Variants in MGST1 observed in about 807,000 individuals in gnomAD.
MGST1 encodes microsomal glutathione S-transferase 1, also known as glutathione S-transferase 12.
MGST1 carries 5 observed loss-of-function variants against 8.9 expected under a neutral mutation model. That is an observed-to-expected ratio of 0.56 (90% CI 0.29 to 1.19). MGST1 has a LOEUF of 1.19. Ranked by LOEUF, MGST1 falls within the 50% of genes most tolerant of loss-of-function variation. The probability of loss-of-function intolerance (pLI) is 0.08; values close to 1 mark genes in which losing one functional copy is unlikely to be tolerated. For missense variants in MGST1, 182 were observed against 187.4 expected (o/e 0.97, Z 0.17); for synonymous variants, 54 against 67.8 (o/e 0.80, Z 1.00).
chr12:16,472,900 A>G (rs971061438), intron 4 of MGST1, among the ~76,000 whole-genome samples: 1 of 152,178 alleles, frequency 6.6e-6, no homozygotes, highest in Non-Finnish European at 1.5e-5. Flanking sequence ...CCAAGCTCTA[A>G]AGGCATCTGG....
chr12:16,380,548 G>A (rs1309953099), downstream of MGST1, among the ~76,000 whole-genome samples: 2 of 152,090 alleles, frequency 1.3e-5, no homozygotes, highest in Non-Finnish European at 2.9e-5. Flanking sequence ...TTGCTGAGGG[G>A]TGCTTTACTT....
rs1161206533 is a variant in MGST1 at position 16,444,183 on chromosome 12, G to GTT, written n.482+60598_482+60599dup. On this transcript the variant is annotated intron_variant and non_coding_transcript_variant, in intron 4 of 4. Coordinates refer to the MGST1 transcript ENST00000538857. ...GCTGACAGGTCTATTGGCTGATTTG[G>GTT]TTTTTTTTTTTTTTTTTTTTGTCTA... 2.5e-3 allele frequency among the ~76,000 whole-genome samples: 320 copies of GTT among 128,470 alleles called. 1 individual carries two copies. Among genetic ancestry groups the GTT allele is most frequent in the African/African-American group, 7.7e-3 (265 of 34,212 alleles). 84.3% of individuals were successfully genotyped at this position (128,470 alleles called of 152,430 possible).
chr12:16,436,958 G>T (rs745348380), intron 1 of MGST1, among the ~76,000 whole-genome samples: 2 of 151,932 alleles, frequency 1.3e-5, no homozygotes, highest in African/African-American at 2.4e-5. Flanking sequence ...GGAGAAAATT[G>T]TGTAATTCTG....
rs1295218687 is a variant in MGST1, at chr12:16,413,661, A to G, written n.779-23727A>G. Among the ~76,000 whole-genome samples, 2 of 152,108 alleles carry G rather than the reference A, an allele frequency of 1.3e-5. No individual in the cohort carries two copies. The highest frequency in any genetic ancestry group is 2.9e-5 in the Non-Finnish European group (2 of 68,014). ...TTCTCATTTACCCTTATTTTTTTCCATACATTCTCAAGGAAGTGTCGGTTA... is the reference window on the plus strand; with the variant it reads ...TTCTCATTTACCCTTATTTTTTTCCGTACATTCTCAAGGAAGTGTCGGTTA... On this transcript the variant is annotated intron_variant and non_coding_transcript_variant, in intron 1 of 1. Transcript: ENST00000359720. The surrounding 1 kb of genome is among the most constrained non-coding windows in gnomAD (Gnocchi z 4.0).
intron 1 of MGST1, among the ~76,000 whole-genome samples, chr12:16,352,334 A>G (rs1939506257): frequency 6.6e-6 from 1 of 152,208 alleles, no homozygotes; most frequent in Non-Finnish European, 1.5e-5. Context: ...ATTACTGGTA[A>G]GATGGATAGA....
intron 4 of MGST1, among the ~76,000 whole-genome samples, chr12:16,490,929 T>C (rs529387418): frequency 1.9e-4 from 29 of 152,302 alleles, no homozygotes; most frequent in African/African-American, 6.7e-4. Context: ...ATTACTCAAA[T>C]GGGTAGAATT....
chr12:16,402,299 A>G, intron 1 of MGST1: 1 of 1,593,580 alleles, frequency 6.3e-7, no homozygotes, highest in East Asian at 2.2e-5. Context: ...CAATTTCTTC[A>G]TCAACACCCA....
intron 4 of MGST1, among the ~76,000 whole-genome samples, chr12:16,572,215 T>C (rs1193908729): frequency 6.6e-6 from 1 of 151,942 alleles, no homozygotes; most frequent in Non-Finnish European, 1.5e-5. Flanking sequence ...ACTAAAGTTG[T>C]ACTTTTACGT....
Position 16,535,240 on chromosome 12 carries a change from G to A in MGST1, n.483-54288G>A, listed in dbSNP as rs530460586. Among the ~76,000 whole-genome samples, 9 of 152,270 alleles carry A rather than the reference G, an allele frequency of 5.9e-5. No homozygotes were observed. The East Asian group carries it at 1.7e-3, about 29-fold the overall frequency. ...GCTCACCCTAGGGTGGGATCCAAAA[G>A]GACACAAAACTGAAAATTATACCTA... On this transcript the variant is annotated intron_variant and non_coding_transcript_variant, in intron 4 of 4. Transcript: ENST00000538857.
chr12:16,505,113 A>G (rs1328854461), intron 4 of MGST1, among the ~76,000 whole-genome samples: 3 of 152,102 alleles, frequency 2.0e-5, no homozygotes, highest in Non-Finnish European at 4.4e-5. Flanking sequence ...TATTCTCACT[A>G]TGGACACATC....
At chr12:16,452,576 C>T (rs761749134) in intron 4 of MGST1, among the ~76,000 whole-genome samples, 21 of 151,648 alleles carry the variant, frequency 1.4e-4, no homozygotes, top group Non-Finnish European at 2.2e-4. Flanking sequence ...TTGAGATACT[C>T]GAAACTATGT....
At chr12:16,499,940 T>A (rs1009613336) in intron 4 of MGST1, among the ~76,000 whole-genome samples, 1 of 152,166 alleles carries the variant, frequency 6.6e-6, no homozygotes, top group African/African-American at 2.4e-5. Context: ...TTAAAAGGGA[T>A]TTTTAATAAT....
At chr12:16,574,129 T>C (rs1456917552) in intron 4 of MGST1, among the ~76,000 whole-genome samples, 2 of 152,102 alleles carry the variant, frequency 1.3e-5, no homozygotes, top group East Asian at 3.8e-4. Flanking sequence ...ATTTGCTCCA[T>C]TATAAAAATG....
intron 4 of MGST1, among the ~76,000 whole-genome samples, chr12:16,531,193 T>C (rs1271936715): frequency 7.2e-6 from 1 of 139,816 alleles, no homozygotes; most frequent in Non-Finnish European, 1.5e-5. Context: ...GTAATGATCA[T>C]GGTGAGTGGA....
intron 4 of MGST1, among the ~76,000 whole-genome samples, chr12:16,496,571 G>A (rs192931276): frequency 5.3e-4 from 80 of 152,128 alleles, no homozygotes; most frequent in Middle Eastern, 3.4e-3. Flanking sequence ...GACTAATCCC[G>A]TCACCCGCAA....
At chr12:16,534,174 T>A (rs929192440) in intron 4 of MGST1, among the ~76,000 whole-genome samples, 7 of 152,114 alleles carry the variant, frequency 4.6e-5, no homozygotes, top group African/African-American at 1.7e-4. Context: ...ATTGATAAAA[T>A]AAGACAAAAG....
In MGST1 at chr12:16,401,227, T is replaced by G; in HGVS notation, n.778+17623T>G. On this transcript the variant is annotated intron_variant and non_coding_transcript_variant, in intron 1 of 1. Transcript: ENST00000359720. This position sits in a 1 kb window ranked among gnomAD's most constrained non-coding sequence, Gnocchi z 4.3. ...CACTGTGTCACTAAGGAACAGGGCA[T>G]AGGTTTTCTCTTCTGGCTTTTTCCC... 2.5e-6 allele frequency: 4 copies of G among 1,568,862 alleles called. No individual in the cohort carries two copies. Among genetic ancestry groups the G allele is most frequent in the Non-Finnish European group, 3.5e-6 (4 of 1,141,260 alleles).
chr12:16,414,789 G>A (rs908406538), intron 1 of MGST1, among the ~76,000 whole-genome samples: 4 of 152,108 alleles, frequency 2.6e-5, no homozygotes, highest in Non-Finnish European at 4.4e-5. Flanking sequence ...TTGGGAGGGC[G>A]AGGCTGGCAG....
At chr12:16,504,153 G>A (rs752744949) in intron 4 of MGST1, among the ~76,000 whole-genome samples, 2 of 152,138 alleles carry the variant, frequency 1.3e-5, no homozygotes, top group African/African-American at 4.8e-5. Flanking sequence ...GCTCTGACCT[G>A]TAACTTTCTC....
Sources: gnomAD v4.1 joint callset for allele counts (sites outside exome capture counted in the v4.1 genomes callset) on GRCh38, gnomAD v4.1.1 for gene constraint, Gnocchi (gnomAD v3.1) non-coding constraint, MANE v1.5 for transcripts, NCBI Gene and HGNC (gene_info 2026-07-23, HGNC 2026-07-21) for gene names.